TRIP12: variants seen among roughly 807,000 people sequenced by gnomAD.
TRIP12 encodes the protein thyroid hormone receptor interactor 12, also known as E3 ubiquitin-protein ligase TRIP12.
A neutral mutation model predicts 244.2 loss-of-function variants in TRIP12; 25 were observed. The ratio of observed to expected loss-of-function variants is 0.10; its 90% CI spans 0.07 to 0.14. TRIP12 has a LOEUF of 0.14. Ranked by LOEUF, TRIP12 falls within the 10% of genes least tolerant of loss-of-function variation. The pLI, the probability that TRIP12 is intolerant of heterozygous loss-of-function variation, is 1.00. For synonymous variants in TRIP12, 905 were observed against 873.1 expected (o/e 1.04, Z -0.64); for missense variants, 1,677 against 2,486.4 (o/e 0.67, Z 6.92).
At chr2:229,816,542 T>C (rs552183591) in intron 9 of TRIP12, among the ~76,000 whole-genome samples, 7 of 152,268 alleles carry the variant, frequency 4.6e-5, no homozygotes, top group African/African-American at 1.7e-4. Context: ...TGAAGAGATA[T>C]AAATAATATT....
At chr2:229,863,646 G>A (rs2060844609) in intron 2 of TRIP12, among the ~76,000 whole-genome samples, 1 of 152,104 alleles carries the variant, frequency 6.6e-6, no homozygotes, top group Non-Finnish European at 1.5e-5. Flanking sequence ...CTCCCAAAAT[G>A]GAGCTCTATT....
At chr2:229,839,833 G>C (rs1260165542) in intron 5 of TRIP12, among the ~76,000 whole-genome samples, 1 of 152,206 alleles carries the variant, frequency 6.6e-6, no homozygotes, top group Non-Finnish European at 1.5e-5. Flanking sequence ...TTTAGGCTAA[G>C]ATTCTCAATC....
chr2:229,815,034 T>A (rs566469944), intron 11 of TRIP12, 65 bp downstream of exon 11: 1 of 1,242,606 alleles, frequency 8.0e-7, no homozygotes, highest in African/African-American at 1.5e-5. Flanking sequence ...AAAGCTAAAA[T>A]TCAAGAGTTT....
At chr2:229,805,584 C>A in intron 18 of TRIP12, 146 bp downstream of exon 18, 2 of 704,374 alleles carry the variant, frequency 2.8e-6, no homozygotes, top group Non-Finnish European at 4.3e-6. Flanking sequence ...CATTAATGGA[C>A]ATGATTTAAA....
intron 34 of TRIP12, among the ~76,000 whole-genome samples, 177 bp downstream of exon 34, chr2:229,785,580 C>T (rs2039770226): frequency 6.6e-6 from 1 of 152,154 alleles, no homozygotes; most frequent in African/African-American, 2.4e-5. Flanking sequence ...AAAAAACTGC[C>T]TTTTATTATT....
At chr2:229,792,902 T>A in intron 27 of TRIP12, 71 bp downstream of exon 27, 1 of 1,441,490 alleles carries the variant, frequency 6.9e-7, no homozygotes. Context: ...AGAAATAATG[T>A]ATGTAACTCT....
At chr2:229,846,273 G>C (rs940845934) in intron 4 of TRIP12, among the ~76,000 whole-genome samples, 2 of 151,572 alleles carry the variant, frequency 1.3e-5, no homozygotes, top group Admixed American at 1.3e-4. Flanking sequence ...GTCAATCAAC[G>C]CTGCAAACTT....
chr2:229,860,275 TA>T, intron 3 of TRIP12, 130 bp downstream of exon 3: 4 of 1,198,842 alleles, frequency 3.3e-6, no homozygotes, highest in South Asian at 1.6e-5. Flanking sequence ...CTGTCAATCC[TA>T]AAAGTTACTT....
chr2:229,796,145 T>C (rs1277627590), intron 25 of TRIP12, among the ~76,000 whole-genome samples: 1 of 152,220 alleles, frequency 6.6e-6, no homozygotes, highest in Non-Finnish European at 1.5e-5. Flanking sequence ...AACGGTGACA[T>C]AAATGGTCAT....
Position 229,798,931 on chromosome 2 carries a change from A to G in TRIP12, c.3426T>C (p.Thr1142=), listed in dbSNP as rs955370738. The change falls in exon 23 of 42, where the codon ACT becomes ACC. Residue 1142 remains threonine (T), a synonymous_variant. Transcript: ENST00000675903. ...SNSNNIEPAR[T]AGGSGLARAA... ...CCCTGGCAAGGCCACTACCTCCCGC[A>G]GTCCGTGCTGGCTCAATGTTGTTGC... The G allele has an allele frequency of 6.8e-6, 11 of 1,614,096 alleles. 1 individual carries two copies. The East Asian group carries it at 2.4e-4, about 36-fold the overall frequency.
chr2:229,881,361 C>A (rs1326023359), intron 1 of TRIP12, among the ~76,000 whole-genome samples: 2 of 152,164 alleles, frequency 1.3e-5, no homozygotes, highest in Admixed American at 6.5e-5. Context: ...TGTAAGCCTG[C>A]AGTCAAATTC....
chr2:229,807,576 G>A, intron 17 of TRIP12, 132 bp downstream of exon 17: 7 of 1,186,088 alleles, frequency 5.9e-6, no homozygotes, highest in South Asian at 1.2e-5. Context: ...GTTCTCAGGA[G>A]ACAAAATGAG....
intron 1 of TRIP12, among the ~76,000 whole-genome samples, chr2:229,919,720 G>T (rs941186597): frequency 2.0e-5 from 3 of 152,206 alleles, no homozygotes; most frequent in Admixed American, 6.5e-5. Context: ...ACTGGGGATT[G>T]AATGGAAACA....
chr2:229,914,429 C>T (rs1217596149), intron 1 of TRIP12, among the ~76,000 whole-genome samples: 1 of 152,122 alleles, frequency 6.6e-6, no homozygotes, highest in Non-Finnish European at 1.5e-5. Flanking sequence ...TACAAGGCTA[C>T]TAGAAGCACT....
chr2:229,797,113 G>C (rs2043007357), intron 24 of TRIP12, among the ~76,000 whole-genome samples: 1 of 152,130 alleles, frequency 6.6e-6, no homozygotes, highest in Non-Finnish European at 1.5e-5. Context: ...AGAATGGAAA[G>C]ATGAATCAAG....
intron 1 of TRIP12, among the ~76,000 whole-genome samples, chr2:229,906,933 A>G (rs1441936954): frequency 6.6e-6 from 1 of 152,182 alleles, no homozygotes; most frequent in African/African-American, 2.4e-5. Flanking sequence ...AACTGTAAGT[A>G]GTCAAAGAGA....
intron 5 of TRIP12, among the ~76,000 whole-genome samples, chr2:229,838,344 C>T (rs1256380440): frequency 6.6e-6 from 1 of 152,160 alleles, no homozygotes; most frequent in Non-Finnish European, 1.5e-5. Context: ...AGGGCTGCTG[C>T]CCTCAAGGAG....
intron 4 of TRIP12, among the ~76,000 whole-genome samples, chr2:229,844,175 T>C (rs1486493806): frequency 6.6e-6 from 1 of 152,218 alleles, no homozygotes; most frequent in Non-Finnish European, 1.5e-5. Flanking sequence ...GTTAAGATGC[T>C]TTGGGGTACT....
At chr2:229,922,232 G>A (rs1040472941), upstream of TRIP12, 126 of 361,794 alleles carry the variant, frequency 3.5e-4, 1 homozygote, top group Non-Finnish European at 4.7e-4. Context: ...GGACCAGGAA[G>A]GGGACTGTGG....
Sources: allele counts gnomAD v4.1 joint callset (sites outside exome capture counted in the v4.1 genomes callset), GRCh38; gene constraint gnomAD v4.1.1; transcripts MANE v1.5; gene names NCBI Gene and HGNC (gene_info 2026-07-23, HGNC 2026-07-21).